MACF1: variants seen among roughly 807,000 people sequenced by gnomAD.
MACF1 encodes the protein microtubule actin crosslinking factor 1, also known as microtubule-actin cross-linking factor 1.
MACF1 carries 193 observed loss-of-function variants against 854.8 expected under a neutral mutation model. The observed-to-expected ratio is 0.23, with a 90% CI of 0.20 to 0.25. The LOEUF is 0.25. Ranked by LOEUF, MACF1 falls within the 10% of genes least tolerant of loss-of-function variation. MACF1 has a pLI of 1.00. For missense variants in MACF1, 7,722 were observed against 8,929.1 expected, an observed-to-expected ratio of 0.86 and a Z score of 5.45; for synonymous variants, 3,185 against 3,226.7, an observed-to-expected ratio of 0.99 and a Z score of 0.44.
intron 90 of MACF1, 46 bp downstream of exon 90, chr1:39,458,536 T>G (rs1283418357): frequency 3.8e-6 from 6 of 1,568,144 alleles, no homozygotes; most frequent in Non-Finnish European, 5.2e-6. Context: ...TCCTGCTAAT[T>G]GAGGATGAGC....
intron 44 of MACF1, among the ~76,000 whole-genome samples, chr1:39,356,000 A>G (rs1195978555): frequency 6.6e-6 from 1 of 152,206 alleles, no homozygotes; most frequent in African/African-American, 2.4e-5. Flanking sequence ...AGCTGAGGCT[A>G]TCAGGTTGTT....
chr1:39,250,168 A>C, intron 3 of MACF1, 65 bp downstream of exon 3: 24 of 1,095,068 alleles, frequency 2.2e-5, no homozygotes, highest in African/African-American at 4.6e-5. Flanking sequence ...GGTCCATCTC[A>C]TTGAGTGCAA....
intron 2 of MACF1, among the ~76,000 whole-genome samples, chr1:39,094,474 C>A (rs1375900484): frequency 1.3e-5 from 2 of 151,444 alleles, no homozygotes; most frequent in African/African-American, 2.4e-5. Flanking sequence ...GTAATCCCAG[C>A]ACTTTGGGAG....
rs777007355 is a variant in MACF1, at chr1:39,335,304, A to G, written c.8716A>G (p.Thr2906Ala). 79 of 1,614,032 alleles carry G rather than the reference A, an allele frequency of 4.9e-5. No homozygotes were observed. The highest frequency in any genetic ancestry group is 5.9e-5 in the Non-Finnish European group (70 of 1,180,006). The change falls in exon 37 of 101, where the codon ACA becomes GCA. Residue 2906 changes from threonine (T) to alanine (A), a missense_variant. Thr to Ala is a moderately conservative substitution (Grantham distance 58). Coordinates refer to ENST00000564288, the MANE Select transcript of MACF1 (RefSeq NM_001394062.1). ...EVARNNMGND[T>A]NEEQEKAVTK... ...GGCTAGAAATAACATGGGAAATGAT[A>G]CAAATGAAGAGCAGGAAAAAGCAGT...
At position 39,259,717 on chromosome 1, in the gene MACF1, G is replaced by T. The variant is rs1202403573; in HGVS notation, c.528+1689G>T. Among the ~76,000 whole-genome samples the T allele has an allele frequency of 2.0e-5, 3 of 152,084 alleles. No individual in the cohort carries two copies. In the East Asian group the frequency reaches 5.8e-4, roughly 29 times the overall value. ...CGTTCACCGCAACCTCTGCCTCCCG[G>T]GTTCAAGAGATTCTCCTGCTTCAGC... On this transcript the variant is annotated intron_variant, in intron 6 of 100. Coordinates refer to ENST00000564288, the MANE Select transcript of MACF1 (RefSeq NM_001394062.1).
chr1:39,151,888 A>G (rs1316195194), intron 2 of MACF1, among the ~76,000 whole-genome samples: 1 of 152,158 alleles, frequency 6.6e-6, no homozygotes, highest in Non-Finnish European at 1.5e-5. Flanking sequence ...TGTTGAGTAT[A>G]TGAATGATTA....
At chr1:39,245,359 G>A (rs1202285280) in intron 2 of MACF1, among the ~76,000 whole-genome samples, 1 of 152,090 alleles carries the variant, frequency 6.6e-6, no homozygotes, top group East Asian at 1.9e-4. Context: ...GTGCGATCTT[G>A]GCTCACTGCA....
intron 2 of MACF1, among the ~76,000 whole-genome samples, chr1:39,164,065 C>A (rs1001726009): frequency 3.3e-5 from 5 of 151,900 alleles, no homozygotes; most frequent in Admixed American, 1.3e-4. Flanking sequence ...TTCTTTATAC[C>A]TTTATCTACA....
intron 5 of MACF1, among the ~76,000 whole-genome samples, chr1:39,255,500 G>A (rs1041583495): frequency 6.6e-6 from 1 of 152,096 alleles, no homozygotes; most frequent in Non-Finnish European, 1.5e-5. Flanking sequence ...GCATATTTTT[G>A]GAGTCAGTTC....
At chr1:39,458,879 T>C (rs1644494856) in intron 90 of MACF1, 3 of 548,612 alleles carry the variant, frequency 5.5e-6, no homozygotes, top group South Asian at 5.1e-5. Context: ...TGCTTGGAGA[T>C]ATGTAGGCAG....
intron 2 of MACF1, among the ~76,000 whole-genome samples, chr1:39,115,701 G>T (rs1229460289): frequency 6.6e-6 from 1 of 152,102 alleles, no homozygotes; most frequent in Non-Finnish European, 1.5e-5. Context: ...GGGAGAAGGA[G>T]CTGGCTTTAG....
At chr1:39,351,156 G>C in intron 43 of MACF1, 138 bp downstream of exon 43, 1 of 637,058 alleles carries the variant, frequency 1.6e-6, no homozygotes, top group Non-Finnish European at 2.6e-6. Flanking sequence ...AGCTAGTCTG[G>C]TTTTTGTTTT....
intron 66 of MACF1, 106 bp downstream of exon 66, chr1:39,431,014 A>G (rs949016310): frequency 1.0e-6 from 1 of 999,234 alleles, no homozygotes; most frequent in African/African-American, 1.6e-5. Context: ...AATGGGCTCA[A>G]GCTAAATCTG....
chr1:39,460,010 T>C lies in MACF1; in HGVS notation c.21361-622T>C, dbSNP rs2124045083. On this transcript the variant is annotated intron_variant, in intron 91 of 100. Transcript: ENST00000564288. This position sits in a 1 kb window ranked among gnomAD's most constrained non-coding sequence, Gnocchi z 4.1. ...TATCATTAACGTAGACTTAAGTAGC[T>C]GAAAATTGTCTTGCCCACTGCATAG... 6.6e-6 allele frequency among the ~76,000 whole-genome samples: 1 copy of C among 152,348 alleles called. No homozygotes were observed. Among genetic ancestry groups the C allele is most frequent in the South Asian group, 2.1e-4 (1 of 4,832 alleles).
rs773222160 is a variant in MACF1 at position 39,334,848 on chromosome 1, G to A, written c.8260G>A (p.Glu2754Lys). ...TATTGAGAAAAGACTGATCAGCCCTGAACTGGCAAATATGATCCAAATAGA... is the reference window on the plus strand; with the variant it reads ...TATTGAGAAAAGACTGATCAGCCCTAAACTGGCAAATATGATCCAAATAGA... ...EAIEKRLISP[E>K]LANMIQIDSS... The change falls in exon 37 of 101, where the codon GAA becomes AAA. Residue 2754 changes from glutamate to lysine, a missense_variant. Transcript: ENST00000564288. 183 of 1,614,064 alleles carry A rather than the reference G, an allele frequency of 1.1e-4. No individual in the cohort carries two copies. Among genetic ancestry groups the A allele is most frequent in the Non-Finnish European group, 1.2e-4 (137 of 1,180,036 alleles).
chr1:39,345,931 T>C (rs1647036409), intron 40 of MACF1, among the ~76,000 whole-genome samples: 1 of 151,742 alleles, frequency 6.6e-6, no homozygotes, highest in South Asian at 2.1e-4. Context: ...TAGCCAGGCA[T>C]GGTGGTGAGT....
intron 2 of MACF1, among the ~76,000 whole-genome samples, chr1:39,143,558 C>T (rs2148187226): frequency 6.6e-6 from 1 of 152,278 alleles, no homozygotes; most frequent in South Asian, 2.1e-4. Context: ...CTCACTTTCC[C>T]ACCCTCATCC....
intron 50 of MACF1, among the ~76,000 whole-genome samples, chr1:39,368,609 C>T (rs1476903937): frequency 3.3e-5 from 5 of 152,098 alleles, no homozygotes; most frequent in Admixed American, 6.5e-5. Flanking sequence ...TCAAGCAATT[C>T]TTCTACCTCA....
intron 2 of MACF1, chr1:39,103,288 A>G: frequency 3.2e-6 from 1 of 312,870 alleles, no homozygotes; most frequent in South Asian, 2.9e-5. Flanking sequence ...ACCTGCTCAC[A>G]AAGTGGCGCG....
Sources: gnomAD v4.1 joint callset for allele counts (sites outside exome capture counted in the v4.1 genomes callset) on GRCh38, gnomAD v4.1.1 for gene constraint, Gnocchi (gnomAD v3.1) non-coding constraint, MANE v1.5 for transcripts, NCBI Gene and HGNC (gene_info 2026-07-23, HGNC 2026-07-21) for gene names.